ST7L: variants seen among roughly 807,000 people sequenced by gnomAD.
The protein encoded by ST7L is suppressor of tumorigenicity 7 protein-like.
Under a neutral mutation model 72.5 loss-of-function variants are expected in ST7L, and 57 were observed. The ratio of observed to expected loss-of-function variants is 0.79; its 90% CI spans 0.64 to 0.98. The LOEUF (loss-of-function observed/expected upper bound fraction) is 0.98. Ranked by LOEUF, ST7L falls within the 50% of genes least tolerant of loss-of-function variation. ST7L has a pLI of 0.00. For missense variants in ST7L, 576 were observed against 672.2 expected, an observed-to-expected ratio of 0.86 and a Z score of 1.58; for synonymous variants, 221 against 240.9, an observed-to-expected ratio of 0.92 and a Z score of 0.77.
At chr1:112,549,755 C>G (rs891756028) in intron 13 of ST7L, among the ~76,000 whole-genome samples, 12 of 152,228 alleles carry the variant, frequency 7.9e-5, no homozygotes, top group Non-Finnish European at 1.3e-4. Context: ...TTACTTCCTC[C>G]TTGCCAATAA....
At chr1:112,588,021 T>G (rs1433620792) in intron 6 of ST7L, among the ~76,000 whole-genome samples, 1 of 152,240 alleles carries the variant, frequency 6.6e-6, no homozygotes, top group Non-Finnish European at 1.5e-5. Flanking sequence ...CCTCCTTGAT[T>G]AAATTTATTC....
chr1:112,617,762 G>A (rs1244908214), intron 1 of ST7L, among the ~76,000 whole-genome samples: 2 of 143,034 alleles, frequency 1.4e-5, no homozygotes, highest in Non-Finnish European at 3.1e-5. Context: ...CACACGAAAC[G>A]TAAAAAAGAA....
intron 6 of ST7L, among the ~76,000 whole-genome samples, chr1:112,586,718 A>T (rs911413492): frequency 1.3e-5 from 2 of 152,210 alleles, no homozygotes; most frequent in African/African-American, 4.8e-5. Flanking sequence ...CATTATGTGA[A>T]TACCTAATTA....
chr1:112,618,266 A>C (rs904637146), intron 1 of ST7L: 13 of 1,073,076 alleles, frequency 1.2e-5, no homozygotes, highest in Non-Finnish European at 1.5e-5. Context: ...TATTGTCAGC[A>C]CAGAATACGT....
chr1:112,570,570 TACAC>T (rs1553248207), intron 11 of ST7L, among the ~76,000 whole-genome samples: 7 of 143,390 alleles, frequency 4.9e-5, no homozygotes, highest in Admixed American at 1.4e-4. Context: ...TATATATATA[TACAC>T]ACACACATAT....
At chr1:112,618,682 TAA>T (rs1670339025) in intron 1 of ST7L, 3 of 909,680 alleles carry the variant, frequency 3.3e-6, no homozygotes, top group Non-Finnish European at 4.8e-6. Context: ...AACGAGGACA[TAA>T]GAGAGAGGGC....
intron 6 of ST7L, among the ~76,000 whole-genome samples, chr1:112,586,298 G>A (rs1407894681): frequency 6.6e-6 from 1 of 152,064 alleles, no homozygotes; most frequent in Non-Finnish European, 1.5e-5. Context: ...AAAATTAGCT[G>A]GGTGTGGTTG....
At chr1:112,566,239 G>A (rs750057323) in intron 11 of ST7L, among the ~76,000 whole-genome samples, 2 of 150,348 alleles carry the variant, frequency 1.3e-5, no homozygotes, top group South Asian at 4.2e-4. Flanking sequence ...TTTGACAAAT[G>A]TAGACAAGTA....
intron 13 of ST7L, among the ~76,000 whole-genome samples, chr1:112,547,854 G>A (rs955133593): frequency 2.0e-5 from 3 of 151,950 alleles, no homozygotes; most frequent in Middle Eastern, 3.2e-3. Context: ...GTGAGCCATC[G>A]TTCCTGGCCT....
intron 6 of ST7L, among the ~76,000 whole-genome samples, chr1:112,590,278 CT>C (rs1235107516): frequency 2.6e-5 from 4 of 152,152 alleles, no homozygotes; most frequent in African/African-American, 9.7e-5. Flanking sequence ...ACTCTGTTGT[CT>C]TCAAGACTGC....
intron 5 of ST7L, among the ~76,000 whole-genome samples, chr1:112,595,814 C>A (rs1157177788): frequency 6.6e-6 from 1 of 152,090 alleles, no homozygotes; most frequent in East Asian, 1.9e-4. Flanking sequence ...TTTTAAATGT[C>A]TGTATTTTGC....
intron 2 of ST7L, 59 bp downstream of exon 2, chr1:112,616,754 A>G (rs1669949206): frequency 4.4e-6 from 6 of 1,366,334 alleles, no homozygotes; most frequent in Admixed American, 2.2e-5. Context: ...AAAAAGAAAA[A>G]AAAAAAATAT....
At chr1:112,605,088 C>CAA (rs35373735) in intron 3 of ST7L, among the ~76,000 whole-genome samples, 1,563 of 60,964 alleles carry the variant, frequency 0.026, 42 homozygotes, top group African/African-American at 0.076. Context: ...ACTCCGGCTC[C>CAA]AAAAAAAAAA....
chr1:112,536,036 T>G (rs1288533786), intron 14 of ST7L, among the ~76,000 whole-genome samples: 2 of 152,222 alleles, frequency 1.3e-5, no homozygotes, highest in Non-Finnish European at 2.9e-5. Flanking sequence ...AATTTTGACC[T>G]GTCACACAAT....
At chr1:112,600,684 C>G in intron 4 of ST7L, 110 bp downstream of exon 4, 1 of 871,306 alleles carries the variant, frequency 1.1e-6, no homozygotes, top group Admixed American at 2.4e-5. Flanking sequence ...TATCATAGAC[C>G]AGTATCTTCT....
chr1:112,612,760 C>G (rs992368165), intron 2 of ST7L, among the ~76,000 whole-genome samples: 3 of 151,988 alleles, frequency 2.0e-5, no homozygotes, highest in Admixed American at 6.6e-5. Flanking sequence ...GATAAAACTT[C>G]TTTACACAAG....
At position 112,610,978 on chromosome 1, in the gene ST7L, T is replaced by C; in HGVS notation, c.314A>G (p.Lys105Arg). The C allele has an allele frequency of 1.9e-6, 3 of 1,614,158 alleles. No homozygotes were observed. Among genetic ancestry groups the C allele is most frequent in the Non-Finnish European group, 2.5e-6 (3 of 1,180,030 alleles). Reference protein sequence around the residue: ...IFIFEWWYFHKHGTSFIEQVS... With the variant: ...IFIFEWWYFHRHGTSFIEQVS... ...TTGCTCAATAAAAGATGTGCCATGC[T>C]TATGGAAGTACCACCATTCAAATAT... is the stretch of plus-strand genomic sequence containing the variant. The change falls in exon 3 of 15, where the codon AAG becomes AGG. Residue 105 changes from lysine to arginine, a missense_variant. Lys to Arg is a conservative substitution (Grantham distance 26). Transcript: ENST00000358039.
intron 14 of ST7L, chr1:112,526,388 G>A (rs1175960945): frequency 3.0e-6 from 1 of 335,966 alleles, no homozygotes; most frequent in East Asian, 5.0e-5. Context: ...TTGAAATTAT[G>A]CTAAATGTAT....
chr1:112,597,131 A>T (rs189480252), intron 5 of ST7L, among the ~76,000 whole-genome samples: 1 of 152,352 alleles, frequency 6.6e-6, no homozygotes, highest in Non-Finnish European at 1.5e-5. Flanking sequence ...AATTAACTAA[A>T]GTTACTTCAT....
Sources: allele counts gnomAD v4.1 joint callset (sites outside exome capture counted in the v4.1 genomes callset), GRCh38; gene constraint gnomAD v4.1.1; transcripts MANE v1.5; gene names NCBI Gene and HGNC (gene_info 2026-07-23, HGNC 2026-07-21).